GRIN2B: variants seen among roughly 807,000 people sequenced by gnomAD.
The protein encoded by GRIN2B is glutamate ionotropic receptor NMDA type subunit 2B.
Under a neutral mutation model 114.5 loss-of-function variants are expected in GRIN2B, and 5 were observed. The observed-to-expected ratio is 0.04, with a 90% CI of 0.02 to 0.09. The LOEUF is 0.09. GRIN2B is among the 10% of genes least tolerant of loss of function. GRIN2B has a pLI of 1.00. For synonymous variants in GRIN2B, 787 were observed against 745.1 expected (o/e 1.06, Z -0.92); for missense variants, 1,108 against 1,943.5 (o/e 0.57, Z 8.08).
intron 10 of GRIN2B, among the ~76,000 whole-genome samples, chr12:13,586,041 A>T (rs1948918495): frequency 6.6e-6 from 1 of 152,232 alleles, no homozygotes; most frequent in South Asian, 2.1e-4. Context: ...CAAAAGTGAA[A>T]TATCAATAAC....
chr12:13,804,999 T>A (rs564484998), intron 3 of GRIN2B, among the ~76,000 whole-genome samples: 1 of 152,198 alleles, frequency 6.6e-6, no homozygotes, highest in Non-Finnish European at 1.5e-5. Flanking sequence ...TACACAGACA[T>A]ACACAAAGCC....
chr12:13,613,357 A>T (rs954453083), intron 8 of GRIN2B, among the ~76,000 whole-genome samples: 4 of 152,194 alleles, frequency 2.6e-5, no homozygotes, highest in African/African-American at 9.7e-5. Context: ...TACTTTTACC[A>T]CATACTATAT....
intron 3 of GRIN2B, among the ~76,000 whole-genome samples, chr12:13,825,939 G>T (rs542634220): frequency 6.6e-6 from 1 of 151,994 alleles, no homozygotes; most frequent in African/African-American, 2.4e-5. Flanking sequence ...GCATATTTAG[G>T]CCATTTATAT....
intron 10 of GRIN2B, among the ~76,000 whole-genome samples, chr12:13,583,314 G>A (rs142050954): frequency 5.3e-5 from 8 of 152,260 alleles, no homozygotes; most frequent in South Asian, 4.2e-4. Context: ...CATAATTTAC[G>A]TATAGTAACT....
At chr12:13,576,862 T>G (rs1165001180) in intron 10 of GRIN2B, among the ~76,000 whole-genome samples, 2 of 152,198 alleles carry the variant, frequency 1.3e-5, no homozygotes, top group Non-Finnish European at 2.9e-5. Flanking sequence ...TCAGTACTCT[T>G]TATTAATCAC....
chr12:13,758,843 T>C (rs10492136), intron 3 of GRIN2B, among the ~76,000 whole-genome samples: 17,710 of 152,178 alleles, frequency 0.12, 1,125 homozygotes, highest in East Asian at 0.2. Context: ...TGACTAAAAA[T>C]GTTTCTCAAG....
At chr12:13,700,114 G>A (rs1425382729) in intron 4 of GRIN2B, among the ~76,000 whole-genome samples, 1 of 152,066 alleles carries the variant, frequency 6.6e-6, no homozygotes, top group Non-Finnish European at 1.5e-5. Context: ...TCTGTGGGGA[G>A]GTGGGATGGG....
chr12:13,862,695 C>A (rs1865769704), intron 3 of GRIN2B, among the ~76,000 whole-genome samples: 1 of 151,990 alleles, frequency 6.6e-6, no homozygotes, highest in South Asian at 2.1e-4. Context: ...AAAAACCTGG[C>A]CTTAGTTTTG....
intron 5 of GRIN2B, among the ~76,000 whole-genome samples, chr12:13,623,389 T>A: frequency 6.6e-6 from 1 of 152,214 alleles, no homozygotes; most frequent in East Asian, 1.9e-4. Flanking sequence ...ATACAACAGT[T>A]TGCAACAATT....
At chr12:13,716,265 A>G (rs1418053047) in intron 4 of GRIN2B, among the ~76,000 whole-genome samples, 2 of 152,084 alleles carry the variant, frequency 1.3e-5, no homozygotes, top group East Asian at 1.9e-4. Context: ...GCAATAGGAA[A>G]TAAATACTGT....
intron 10 of GRIN2B, among the ~76,000 whole-genome samples, chr12:13,603,354 A>G (rs1949190242): frequency 6.6e-6 from 1 of 152,194 alleles, no homozygotes; most frequent in Admixed American, 6.5e-5. Context: ...TGTAGGAAGA[A>G]AAGTGAATAA....
chr12:13,784,912 A>G (rs923240077), intron 3 of GRIN2B, among the ~76,000 whole-genome samples: 1 of 152,254 alleles, frequency 6.6e-6, no homozygotes, highest in Admixed American at 6.5e-5. Flanking sequence ...GGAACTATCC[A>G]GTTGACTGCT....
intron 10 of GRIN2B, among the ~76,000 whole-genome samples, chr12:13,580,349 T>G (rs1057040895): frequency 6.6e-6 from 1 of 152,218 alleles, no homozygotes; most frequent in Non-Finnish European, 1.5e-5. Context: ...GACAAACCAG[T>G]GCTGTGACCT....
intron 2 of GRIN2B, among the ~76,000 whole-genome samples, chr12:13,896,265 G>A (rs949351834): frequency 2.6e-5 from 4 of 152,126 alleles, no homozygotes; most frequent in African/African-American, 9.7e-5. Flanking sequence ...GGGGACAGGA[G>A]TGCAGAGCTG....
At chr12:13,768,642 T>A (rs1863846478) in intron 3 of GRIN2B, among the ~76,000 whole-genome samples, 1 of 152,196 alleles carries the variant, frequency 6.6e-6, no homozygotes, top group Admixed American at 6.5e-5. Flanking sequence ...GGCACAAATA[T>A]CCTCGTAGTA....
chr12:13,854,951 C>T (rs911292408), intron 3 of GRIN2B, among the ~76,000 whole-genome samples: 2 of 151,162 alleles, frequency 1.3e-5, no homozygotes, highest in African/African-American at 4.9e-5. Context: ...TGGCTCACAC[C>T]TATAATCCCA....
intron 3 of GRIN2B, among the ~76,000 whole-genome samples, chr12:13,799,697 G>A (rs930459458): frequency 6.6e-6 from 1 of 152,060 alleles, no homozygotes; most frequent in Admixed American, 6.5e-5. Context: ...ATCAGCAGGA[G>A]AGAGGGGGGG....
In GRIN2B at chr12:13,866,203, C is replaced by T. The variant is rs1346810637; in HGVS notation, c.6G>A (p.Lys2=). The T allele has an allele frequency of 2.5e-6, 4 of 1,607,654 alleles. No homozygotes were observed. Among genetic ancestry groups the T allele is most frequent in the Non-Finnish European group, 3.4e-6 (4 of 1,179,930 alleles). Residue 2 remains lysine (K), a synonymous_variant, in exon 3 of 14, where the codon AAG becomes AAA. Coordinates refer to ENST00000609686, the MANE Select transcript of GRIN2B (RefSeq NM_000834.5). ...TGGGAGAACAGCACTCCGCTCTGGGCTTCATCTTCAACTCGTCGACTCCCT... is the reference window on the plus strand; with the variant it reads ...TGGGAGAACAGCACTCCGCTCTGGGTTTCATCTTCAACTCGTCGACTCCCT... M[K]PRAECCSPKF...
At chr12:13,932,101 CCTAT>C (rs1391281102) in intron 2 of GRIN2B, among the ~76,000 whole-genome samples, 1 of 152,150 alleles carries the variant, frequency 6.6e-6, no homozygotes, top group East Asian at 1.9e-4. Flanking sequence ...TGATTCAGTT[CCTAT>C]CTATCTTTCC....
Sources: allele counts gnomAD v4.1 joint callset (sites outside exome capture counted in the v4.1 genomes callset), GRCh38; gene constraint gnomAD v4.1.1; transcripts MANE v1.5; gene names NCBI Gene and HGNC (gene_info 2026-07-23, HGNC 2026-07-21).